PRTG: variants seen among roughly 807,000 people sequenced by gnomAD.
The protein encoded by PRTG is immunoglobulin superfamily, DCC subclass, member 5.
In PRTG, 67 loss-of-function variants were observed where a neutral mutation model predicts 122.5. The ratio of observed to expected loss-of-function variants is 0.55; its 90% CI spans 0.45 to 0.67. The LOEUF is 0.67. PRTG is among the 30% of genes least tolerant of loss of function. PRTG has a pLI of 0.00. For synonymous variants in PRTG, 554 were observed against 501.1 expected (o/e 1.11, Z -1.41); for missense variants, 1,435 against 1,415.4 (o/e 1.01, Z -0.22).
At chr15:55,705,545 C>G (rs900711849) in intron 2 of PRTG, among the ~76,000 whole-genome samples, 8 of 152,144 alleles carry the variant, frequency 5.3e-5, no homozygotes, top group Non-Finnish European at 1.2e-4. Flanking sequence ...CTTCCACTTC[C>G]CAGGTTCAAG....
intron 11 of PRTG, among the ~76,000 whole-genome samples, chr15:55,665,230 A>G (rs1209316994): frequency 6.6e-6 from 1 of 152,058 alleles, no homozygotes; most frequent in Non-Finnish European, 1.5e-5. Flanking sequence ...CCTGCACTCC[A>G]GCCTGGGTGA....
At chr15:55,715,909 T>C (rs776044181) in intron 2 of PRTG, among the ~76,000 whole-genome samples, 7 of 152,188 alleles carry the variant, frequency 4.6e-5, no homozygotes, top group African/African-American at 7.2e-5. Context: ...TTGGCACCAG[T>C]TGGAGAAAGG....
At chr15:55,738,018 A>G (rs1448980076) in intron 2 of PRTG, among the ~76,000 whole-genome samples, 2 of 115,994 alleles carry the variant, frequency 1.7e-5, no homozygotes, top group South Asian at 2.6e-4. Context: ...ATATATATAT[A>G]TATATATACA....
In PRTG at chr15:55,617,008, C is replaced by A. The variant is rs999046012; in HGVS notation, c.*3004G>T. 6.6e-6 allele frequency: 1 copy of A among 152,018 alleles called. No individual in the cohort carries two copies. The highest frequency in any genetic ancestry group is 6.6e-5 in the Admixed American group (1 of 15,248). The allele number at this position is 152,018 out of a possible 1,614,324, so 9.4% of individuals were successfully genotyped here. ...GTATCAGTACTTACAGCAAATACAT[C>A]TTTGGAAAAGAAAATAGTTACCATT... On this transcript the variant is annotated 3_prime_UTR_variant, in exon 20 of 20. Transcript: ENST00000389286.
chr15:55,690,643 T>C lies in PRTG; in HGVS notation c.398-6712A>G, dbSNP rs117820495. Among the ~76,000 whole-genome samples the C allele has an allele frequency of 5.7e-3, 874 of 152,218 alleles. 4 individuals are homozygous for C. Among genetic ancestry groups the C allele is most frequent in the Admixed American group, 0.011 (167 of 15,278 alleles). ...TGCTCAACCGGCGTAATGCAAATAT[T>C]ACAAAATTTAAAAAAAAATGTGAAA... On this transcript the variant is annotated intron_variant, in intron 2 of 19. Transcript: ENST00000389286.
In PRTG at chr15:55,619,738, A is replaced by G. The variant is rs901737192; in HGVS notation, c.*274T>C. The G allele has an allele frequency of 7.3e-6, 3 of 412,564 alleles. No homozygotes were observed. The highest frequency in any genetic ancestry group is 1.3e-5 in the Non-Finnish European group (3 of 236,238). The allele number at this position is 412,564 out of a possible 1,614,324, so 25.6% of individuals were successfully genotyped here. A position where few individuals can be genotyped will look rare whatever the true frequency, so the allele number is the denominator to read the frequency against. ...TTACACAAGTTTAAAAATAAAAAAC[A>G]AAACACATTCAAAAAAAGCTAAAAT... On this transcript the variant is annotated 3_prime_UTR_variant, in exon 20 of 20. Transcript: ENST00000389286.
chr15:55,722,713 A>T (rs2030873663), intron 2 of PRTG, among the ~76,000 whole-genome samples: 1 of 152,202 alleles, frequency 6.6e-6, no homozygotes, highest in Non-Finnish European at 1.5e-5. Context: ...ATAAACACAG[A>T]TGCTCCTTCC....
In PRTG at chr15:55,624,517, T is replaced by C; in HGVS notation, c.2928-10A>G. The stretch of plus-strand genomic sequence containing the variant: ...GGAAGCAGATGATTTCCTAAAACAT[T>C]GGCAAGAAGAGGAAGTCTTCTAATT... On this transcript the variant is annotated splice_polypyrimidine_tract_variant and intron_variant, in intron 17 of 19. Transcript: ENST00000389286. 4 of 1,605,522 alleles carry C rather than the reference T, an allele frequency of 2.5e-6. No individual in the cohort carries two copies. The highest frequency in any genetic ancestry group is 4.5e-5 in the East Asian group (2 of 44,678).
At chr15:55,724,859 C>T (rs1356212050) in intron 2 of PRTG, among the ~76,000 whole-genome samples, 2 of 152,134 alleles carry the variant, frequency 1.3e-5, no homozygotes, top group African/African-American at 2.4e-5. Flanking sequence ...TTAAGACATT[C>T]GCAGAGAAAC....
At position 55,620,410 on chromosome 15, in the gene PRTG, T is replaced by C. The variant is rs76721083; in HGVS notation, c.3199-144A>G. 6.0e-4 allele frequency: 860 copies of C among 1,439,122 alleles called. 4 individuals are homozygous for C. In the African/African-American group the frequency reaches 0.011, roughly 19 times the overall value. The allele number at this position is 1,439,122 out of a possible 1,614,324, so 89.1% of individuals were successfully genotyped here. A position where few individuals can be genotyped will look rare whatever the true frequency, so the allele number is the denominator to read the frequency against. On this transcript the variant is annotated intron_variant, in intron 19 of 19. Coordinates refer to ENST00000389286, the MANE Select transcript of PRTG (RefSeq NM_173814.6). ...GTGTCAAAAGCTTCTTCAGTGCTTC[T>C]GATGCACGCTCCTGCTCCTATCCCT...
chr15:55,691,358 G>C (rs546888002), intron 2 of PRTG, among the ~76,000 whole-genome samples: 1 of 149,238 alleles, frequency 6.7e-6, no homozygotes, highest in Non-Finnish European at 1.5e-5. Context: ...TCAGTATAAA[G>C]TGAAATGCAT....
chr15:55,719,767 C>A (rs1223257549), intron 2 of PRTG, among the ~76,000 whole-genome samples: 2 of 152,072 alleles, frequency 1.3e-5, no homozygotes, highest in Non-Finnish European at 2.9e-5. Context: ...GTCTTAAAAA[C>A]CGTGGGTTTG....
chr15:55,705,397 A>G (rs182511269), intron 2 of PRTG, among the ~76,000 whole-genome samples: 1 of 152,300 alleles, frequency 6.6e-6, no homozygotes, highest in Non-Finnish European at 1.5e-5. Flanking sequence ...TGAATATTAC[A>G]TCACTCCCAA....
At chr15:55,726,089 C>A (rs142457826) in intron 2 of PRTG, among the ~76,000 whole-genome samples, 1 of 152,076 alleles carries the variant, frequency 6.6e-6, no homozygotes, top group East Asian at 1.9e-4. Context: ...ATTATAGGCA[C>A]GTGCCATGAC....
chr15:55,693,055 G>GTCCAGGCT (rs933515948), intron 2 of PRTG, among the ~76,000 whole-genome samples: 5 of 149,880 alleles, frequency 3.3e-5, no homozygotes, highest in Non-Finnish European at 5.9e-5. Context: ...TCACCATGTT[G>GTCCAGGCT]TCCAGGCTGG....
intron 11 of PRTG, chr15:55,655,166 A>C (rs1413086174): frequency 6.6e-6 from 1 of 152,204 alleles, no homozygotes; most frequent in Non-Finnish European, 1.5e-5. Context: ...AACTCACTGC[A>C]ATAGATTTTA....
chr15:55,636,111 T>TAA (rs545080280), intron 15 of PRTG, among the ~76,000 whole-genome samples: 4 of 142,382 alleles, frequency 2.8e-5, no homozygotes, highest in African/African-American at 1.0e-4. Context: ...GATTCTGTCT[T>TAA]AAAAAAAAAA....
At chr15:55,622,197 C>A (rs1455225530) in intron 18 of PRTG, among the ~76,000 whole-genome samples, 1 of 149,802 alleles carries the variant, frequency 6.7e-6, no homozygotes, top group East Asian at 2.0e-4. Context: ...AATACAATCA[C>A]AGTTACATAT....
At chr15:55,654,072 A>G (rs1246662413) in intron 11 of PRTG, among the ~76,000 whole-genome samples, 1 of 152,230 alleles carries the variant, frequency 6.6e-6, no homozygotes, top group Non-Finnish European at 1.5e-5. Context: ...AACTAATACG[A>G]AAGTGAGATT....
Sources: gnomAD v4.1 joint callset for allele counts (sites outside exome capture counted in the v4.1 genomes callset) on GRCh38, gnomAD v4.1.1 for gene constraint, MANE v1.5 for transcripts, NCBI Gene and HGNC (gene_info 2026-07-23, HGNC 2026-07-21) for gene names.